C1orf21: variants seen among roughly 807,000 people sequenced by gnomAD.
C1orf21 encodes uncharacterized protein C1orf21.
C1orf21 carries 3 observed loss-of-function variants against 18.7 expected under a neutral mutation model. That is an observed-to-expected ratio of 0.16 (90% CI 0.07 to 0.42). C1orf21 has a LOEUF of 0.42. Among genes scored for constraint, C1orf21 ranks in the 10% least tolerant of loss-of-function variants. The pLI is 0.99. For missense variants in C1orf21, 104 were observed against 143.6 expected (o/e 0.72, Z 1.41); for synonymous variants, 41 against 46.4 (o/e 0.88, Z 0.47).
intron 1 of C1orf21, among the ~76,000 whole-genome samples, chr1:184,476,886 A>G (rs751869376): frequency 3.3e-5 from 5 of 152,166 alleles, no homozygotes; most frequent in Non-Finnish European, 7.4e-5. Flanking sequence ...CCCATGTACC[A>G]GTCTGAGGAG....
intron 3 of C1orf21, among the ~76,000 whole-genome samples, chr1:184,587,405 C>CTATCCATAAACTG (rs1558009033): frequency 4.6e-5 from 7 of 151,088 alleles, no homozygotes; most frequent in African/African-American, 1.7e-4. Flanking sequence ...AATATTGATT[C>CTATCCATAAACTG]TTTCTATCCA....
At chr1:184,482,588 C>T (rs948510327) in intron 2 of C1orf21, among the ~76,000 whole-genome samples, 4 of 152,062 alleles carry the variant, frequency 2.6e-5, no homozygotes, top group Non-Finnish European at 5.9e-5. Context: ...TGTTTTTCAC[C>T]GAATAAAGTG....
At chr1:184,601,202 G>C (rs1052587108) in intron 5 of C1orf21, among the ~76,000 whole-genome samples, 1 of 152,210 alleles carries the variant, frequency 6.6e-6, no homozygotes, top group African/African-American at 2.4e-5. Context: ...TCTCCCAGAA[G>C]TGACTAGTAA....
chr1:184,605,208 C>T (rs1571298677), intron 5 of C1orf21, among the ~76,000 whole-genome samples: 3 of 152,310 alleles, frequency 2.0e-5, no homozygotes, highest in South Asian at 4.1e-4. Context: ...CTTCCCATTA[C>T]CTTTCCATTC....
At chr1:184,567,726 G>A (rs1659054165) in intron 3 of C1orf21, 1 of 330,300 alleles carries the variant, frequency 3.0e-6, no homozygotes, top group African/African-American at 2.2e-5. Flanking sequence ...AATATGGACA[G>A]TTAATTGTTG....
chr1:184,393,770 C>T (rs1248811826), intron 1 of C1orf21, among the ~76,000 whole-genome samples: 1 of 152,210 alleles, frequency 6.6e-6, no homozygotes, highest in African/African-American at 2.4e-5. Flanking sequence ...CTTTATTACA[C>T]ACCAAATTCG....
At chr1:184,471,573 G>C (rs1657497335) in intron 1 of C1orf21, among the ~76,000 whole-genome samples, 1 of 152,086 alleles carries the variant, frequency 6.6e-6, no homozygotes, top group African/African-American at 2.4e-5. Context: ...AGGCAGGCAT[G>C]TGACAGCTGG....
intron 2 of C1orf21, among the ~76,000 whole-genome samples, chr1:184,486,928 C>A (rs575289172): frequency 6.6e-6 from 1 of 152,222 alleles, no homozygotes; most frequent in Admixed American, 6.5e-5. Flanking sequence ...TCCCTTGCCC[C>A]TTCAAGTGCT....
At chr1:184,548,361 T>G (rs1289786196) in intron 3 of C1orf21, among the ~76,000 whole-genome samples, 4 of 148,796 alleles carry the variant, frequency 2.7e-5, no homozygotes, top group Admixed American at 6.9e-5. Flanking sequence ...CCTCAGTGTT[T>G]CAGTGGGAAC....
At position 184,460,617 on chromosome 1, in the gene C1orf21, G is replaced by GTCTTCT. The variant is rs1300212650; in HGVS notation, c.-124-16767_-124-16766insTTCTTC. ...GAGTTGGGCTGTTAGTATTGTCGTC[G>GTCTTCT]TCGTCTTCTTCTTCTTCTTCTTCTT... On this transcript the variant is annotated intron_variant, in intron 1 of 5. Coordinates refer to ENST00000235307, the MANE Select transcript of C1orf21 (RefSeq NM_030806.4). Among the ~76,000 whole-genome samples, 647 of 116,430 alleles carry GTCTTCT rather than the reference G, an allele frequency of 5.6e-3. 6 individuals carry two copies. Among genetic ancestry groups the GTCTTCT allele is most frequent in the African/African-American group, 0.021 (597 of 27,858 alleles). The allele number at this position is 116,430 out of a possible 152,430, so 76.4% of individuals were successfully genotyped here. A position where few individuals can be genotyped will look rare whatever the true frequency, so the allele number is the denominator to read the frequency against.
intron 3 of C1orf21, among the ~76,000 whole-genome samples, chr1:184,573,961 G>A (rs1266929141): frequency 2.0e-5 from 3 of 152,140 alleles, no homozygotes; most frequent in Admixed American, 6.5e-5. Context: ...TTGGGAGGCC[G>A]AGGTAGGCAG....
chr1:184,593,238 G>A (rs1320712218), intron 4 of C1orf21, among the ~76,000 whole-genome samples: 1 of 151,968 alleles, frequency 6.6e-6, no homozygotes, highest in African/African-American at 2.4e-5. Context: ...AGCTTTCAGA[G>A]GAGAAAATTC....
At chr1:184,394,971 C>A (rs1323642215) in intron 1 of C1orf21, among the ~76,000 whole-genome samples, 1 of 151,910 alleles carries the variant, frequency 6.6e-6, no homozygotes, top group Admixed American at 6.6e-5. Context: ...CCTTCCATGG[C>A]CTCCCCAACA....
intron 3 of C1orf21, among the ~76,000 whole-genome samples, chr1:184,540,766 A>C (rs1658637234): frequency 6.6e-6 from 1 of 152,154 alleles, no homozygotes; most frequent in Non-Finnish European, 1.5e-5. Context: ...AAAGTTTATG[A>C]AGCTAAAAAG....
chr1:184,588,186 C>T (rs1398494585), intron 3 of C1orf21, among the ~76,000 whole-genome samples: 1 of 152,108 alleles, frequency 6.6e-6, no homozygotes, highest in Admixed American at 6.5e-5. Flanking sequence ...TTTGGTAAAT[C>T]ATTTTCTTAA....
intron 3 of C1orf21, among the ~76,000 whole-genome samples, chr1:184,581,557 T>A (rs1659277163): frequency 6.6e-6 from 1 of 152,226 alleles, no homozygotes; most frequent in Admixed American, 6.5e-5. Context: ...ATTTTCTGTG[T>A]GTGTATATAA....
intron 2 of C1orf21, among the ~76,000 whole-genome samples, chr1:184,484,302 C>T (rs1657701756): frequency 6.6e-6 from 1 of 152,128 alleles, no homozygotes; most frequent in South Asian, 2.1e-4. Flanking sequence ...CTTCGCTGCT[C>T]TAGGCCCTCC....
At position 184,562,352 on chromosome 1, in the gene C1orf21, C is replaced by G. The variant is rs72737715; in HGVS notation, c.190-28387C>G. On this transcript the variant is annotated intron_variant, in intron 3 of 5. Transcript: ENST00000235307. ...CACCTTTTAAACAGCAGTTATATAG[C>G]AATATCTCTCCCCGTACCACAGGAA... Among the ~76,000 whole-genome samples, 1,384 of 152,332 alleles carry G rather than the reference C, an allele frequency of 9.1e-3. 6 individuals carry two copies. The highest frequency in any genetic ancestry group is 0.014 in the Non-Finnish European group (969 of 68,022).
intron 2 of C1orf21, among the ~76,000 whole-genome samples, chr1:184,494,370 A>G (rs1422595376): frequency 6.6e-6 from 1 of 152,140 alleles, no homozygotes; most frequent in Non-Finnish European, 1.5e-5. Flanking sequence ...TTCTAAAGGT[A>G]ATAGAAGTCA....
Sources: gnomAD v4.1 joint callset for allele counts (sites outside exome capture counted in the v4.1 genomes callset) on GRCh38, gnomAD v4.1.1 for gene constraint, MANE v1.5 for transcripts, NCBI Gene and HGNC (gene_info 2026-07-23, HGNC 2026-07-21) for gene names.